TTLL9: variants seen among roughly 807,000 people sequenced by gnomAD.
TTLL9 encodes probable tubulin polyglutamylase TTLL9.
Under a neutral mutation model 65.6 loss-of-function variants are expected in TTLL9, and 47 were observed. That is an observed-to-expected ratio of 0.72 (90% CI 0.57 to 0.91). TTLL9 has a LOEUF of 0.91. Ranked by LOEUF, TTLL9 falls within the 40% of genes least tolerant of loss-of-function variation. TTLL9 has a pLI of 0.00. For synonymous variants in TTLL9, 179 were observed against 204.8 expected, an observed-to-expected ratio of 0.87 and a Z score of 1.07; for missense variants, 537 against 568.8, an observed-to-expected ratio of 0.94 and a Z score of 0.57.
chr20:31,940,342 T>C (rs1036361859), intron 14 of TTLL9: 1 of 152,260 alleles, frequency 6.6e-6, no homozygotes, highest in Non-Finnish European at 1.5e-5. Flanking sequence ...CTGTCCATAC[T>C]CTTTATCCAT....
chr20:31,902,451 G>A (rs1043717997), intron 4 of TTLL9, among the ~76,000 whole-genome samples: 2 of 152,078 alleles, frequency 1.3e-5, no homozygotes, highest in Non-Finnish European at 2.9e-5. Flanking sequence ...CTCGATCTCG[G>A]CTCACTGCAA....
chr20:31,892,175 A>T (rs1267571657), intron 3 of TTLL9, among the ~76,000 whole-genome samples: 1 of 151,026 alleles, frequency 6.6e-6, no homozygotes, highest in Non-Finnish European at 1.5e-5. Flanking sequence ...ATGGTAGCAT[A>T]AACTTTCTTT....
intron 2 of TTLL9, among the ~76,000 whole-genome samples, chr20:31,873,821 G>GAAAGAAAGAAAGAAAGAAAGAAA (rs2062991828): frequency 5.2e-5 from 5 of 95,982 alleles, no homozygotes; most frequent in African/African-American, 2.0e-4. Context: ...AGGAAGGAAG[G>GAAAGAAAGAAAGAAAGAAAGAAA]AAGAAAGAAA....
chr20:31,942,859 C>T, intron 14 of TTLL9, 86 bp from the exon 15 acceptor site: 6 of 1,363,416 alleles, frequency 4.4e-6, no homozygotes, highest in East Asian at 2.3e-5. Flanking sequence ...CCGCTGTCCC[C>T]TCTTCCCAGC....
chr20:31,895,966 A>G (rs951613501), intron 3 of TTLL9, among the ~76,000 whole-genome samples: 3 of 148,638 alleles, frequency 2.0e-5, no homozygotes, highest in African/African-American at 7.5e-5. Flanking sequence ...CAGACTCCCC[A>G]GTAGCTGGGA....
chr20:31,932,403 C>A (rs889983131), intron 10 of TTLL9, among the ~76,000 whole-genome samples: 1 of 141,028 alleles, frequency 7.1e-6, no homozygotes, highest in African/African-American at 2.8e-5. Context: ...ACCCAGGAGG[C>A]GGAGGTTGCA....
In TTLL9 at chr20:31,933,764, T is replaced by C. The variant is rs141289950; in HGVS notation, c.749-36T>C. 94 of 1,607,786 alleles carry C rather than the reference T, an allele frequency of 5.8e-5. No individual in the cohort carries two copies. In the Admixed American group the frequency reaches 1.6e-3, roughly 27 times the overall value. ...TTCGTGGGGCAGAGCTCACCCTTTT[T>C]GTTCACGCTGACCCTTGACCACCAC... On this transcript the variant is annotated intron_variant, in intron 10 of 14. Coordinates refer to ENST00000535842, the MANE Select transcript of TTLL9 (RefSeq NM_001008409.5).
At chr20:31,906,445 G>C (rs1004484074) in intron 4 of TTLL9, among the ~76,000 whole-genome samples, 4 of 152,228 alleles carry the variant, frequency 2.6e-5, no homozygotes, top group African/African-American at 9.6e-5. Context: ...TATAGTGTAG[G>C]AATCTTTTGG....
chr20:31,880,738 C>T (rs1397692161), intron 2 of TTLL9, among the ~76,000 whole-genome samples: 3 of 152,046 alleles, frequency 2.0e-5, no homozygotes, highest in Admixed American at 2.0e-4. Flanking sequence ...CTGCCCGCCT[C>T]GGCCTCCCAA....
At chr20:31,908,532 C>T in intron 4 of TTLL9, 59 bp from the exon 5 acceptor site, 1 of 1,225,316 alleles carries the variant, frequency 8.2e-7, no homozygotes, top group Non-Finnish European at 1.2e-6. Flanking sequence ...CTCCCTGGGC[C>T]CTGCAGTGCC....
chr20:31,922,681 TG>T (rs1167983450), intron 7 of TTLL9, among the ~76,000 whole-genome samples: 5 of 152,234 alleles, frequency 3.3e-5, no homozygotes, highest in Non-Finnish European at 7.3e-5. Flanking sequence ...ACTGCCCTAC[TG>T]GGCAGCACCA....
intron 8 of TTLL9, among the ~76,000 whole-genome samples, chr20:31,923,588 C>T (rs532768531): frequency 2.0e-5 from 3 of 152,160 alleles, no homozygotes; most frequent in Non-Finnish European, 2.9e-5. Context: ...GAGAGAAATG[C>T]AGGGAGGAGG....
intron 2 of TTLL9, among the ~76,000 whole-genome samples, chr20:31,880,479 C>T (rs1365784211): frequency 1.3e-5 from 2 of 151,828 alleles, no homozygotes; most frequent in Non-Finnish European, 2.9e-5. Context: ...AAATTCAGCT[C>T]TCCGCACCCC....
chr20:31,875,428 G>C (rs1361997051), intron 2 of TTLL9, among the ~76,000 whole-genome samples: 1 of 150,166 alleles, frequency 6.7e-6, no homozygotes, highest in African/African-American at 2.5e-5. Flanking sequence ...TGTGAAAAAG[G>C]AAACAAGACC....
At position 31,937,599 on chromosome 20, in the gene TTLL9, T is replaced by TC; in HGVS notation, c.1118+90_1118+91insC. 4 of 1,012,594 alleles carry TC rather than the reference T, an allele frequency of 4.0e-6. No individual in the cohort carries two copies. In the Admixed American group the frequency reaches 9.5e-5, roughly 24 times the overall value. 62.7% of individuals were successfully genotyped at this position (1,012,594 alleles called of 1,614,324 possible). On this transcript the variant is annotated intron_variant, in intron 13 of 14. Coordinates refer to ENST00000535842, the MANE Select transcript of TTLL9 (RefSeq NM_001008409.5). ...AGGGGGAGCTTAGAACCTTGGGGCCTGAGTGGCCCTCAGCGATGGCTCTGG... is the reference window on the plus strand; with the variant it reads ...AGGGGGAGCTTAGAACCTTGGGGCCTCGAGTGGCCCTCAGCGATGGCTCTGG...
intron 3 of TTLL9, among the ~76,000 whole-genome samples, chr20:31,896,774 C>A (rs1398026559): frequency 1.3e-5 from 2 of 152,158 alleles, no homozygotes; most frequent in African/African-American, 4.8e-5. Context: ...AAGTAATCTG[C>A]CTGTCTCAGC....
chr20:31,904,576 T>G (rs192514064), intron 4 of TTLL9, among the ~76,000 whole-genome samples: 1 of 152,268 alleles, frequency 6.6e-6, no homozygotes, highest in African/African-American at 2.4e-5. Flanking sequence ...CAGGCTGATC[T>G]CGAACTCCTG....
chr20:31,888,850 T>C (rs946425369), intron 3 of TTLL9, among the ~76,000 whole-genome samples: 3 of 152,024 alleles, frequency 2.0e-5, no homozygotes, highest in Admixed American at 2.0e-4. Context: ...AGATCTCCCG[T>C]GAACTAAGTG....
intron 3 of TTLL9, among the ~76,000 whole-genome samples, chr20:31,889,970 CTCT>C (rs2063262811): frequency 7.5e-6 from 1 of 133,652 alleles, no homozygotes; most frequent in African/African-American, 3.2e-5. Flanking sequence ...AGCCACATCT[CTCT>C]CTTTCTTTCT....
Sources: allele counts gnomAD v4.1 joint callset (sites outside exome capture counted in the v4.1 genomes callset), GRCh38; gene constraint gnomAD v4.1.1; transcripts MANE v1.5; gene names NCBI Gene and HGNC (gene_info 2026-07-23, HGNC 2026-07-21).